MTRES1: variants seen among roughly 807,000 people sequenced by gnomAD.
MTRES1 encodes the protein uncharacterized protein C6orf203.
In MTRES1, 11 loss-of-function variants were observed where a neutral mutation model predicts 17.4. The ratio of observed to expected loss-of-function variants is 0.63; its 90% confidence interval spans 0.40 to 1.05. The LOEUF is 1.05. Ranked by LOEUF, MTRES1 falls within the 50% of genes least tolerant of loss-of-function variation. The pLI is 0.00. For missense variants in MTRES1, 268 were observed against 276.2 expected (o/e 0.97, Z 0.21); for synonymous variants, 94 against 99.6 (o/e 0.94, Z 0.34).
At chr6:107,028,304 G>C (rs76852209) in intron 1 of MTRES1, 33 bp downstream of exon 1, 4,848 of 152,430 alleles carry the variant, frequency 0.032, 104 homozygotes, top group Non-Finnish European at 0.049. Flanking sequence ...GCCGCGCCGG[G>C]CCCCCTGCCC....
intron 2 of MTRES1, among the ~76,000 whole-genome samples, chr6:107,041,817 G>A (rs1313430352): frequency 4.6e-5 from 7 of 151,944 alleles, no homozygotes; most frequent in Non-Finnish European, 1.0e-4. Context: ...GTGAGCCACC[G>A]CGCCTGGCGA....
At chr6:107,036,024 AAAT>A (rs1401422696) in intron 1 of MTRES1, among the ~76,000 whole-genome samples, 1 of 152,140 alleles carries the variant, frequency 6.6e-6, no homozygotes, top group Non-Finnish European at 1.5e-5. Flanking sequence ...TTTTATGAAA[AAAT>A]ATTATTGCAT....
At position 107,040,089 on chromosome 6, in the gene MTRES1, G is replaced by A. The variant is rs552535026; in HGVS notation, c.329G>A (p.Ser110Asn). The A allele has an allele frequency of 6.2e-6, 10 of 1,613,802 alleles. 1 individual carries two copies. In the East Asian group the frequency reaches 2.2e-4, roughly 36 times the overall value. Residue 110 changes from serine to asparagine, a missense_variant, in exon 2 of 4, where the codon AGC (serine) becomes AAC (asparagine). Ser to Asn is a conservative substitution (Grantham distance 46). Coordinates refer to ENST00000311381, the MANE Select transcript of MTRES1 (RefSeq NM_016487.5). ...KVDEEDSDEE[S>N]HHDEMSEQEE... Reference sequence around the variant, plus strand: ...GATGAAGAGGACTCTGATGAAGAAAGCCATCATGATGAGATGAGTGAGCAG... The same window carrying A: ...GATGAAGAGGACTCTGATGAAGAAAACCATCATGATGAGATGAGTGAGCAG...
At chr6:107,044,235 A>G (rs1774315811) in intron 2 of MTRES1, 25 bp from the exon 3 acceptor site, 2 of 1,601,620 alleles carry the variant, frequency 1.2e-6, no homozygotes, top group Non-Finnish European at 1.7e-6. Flanking sequence ...AATTGTGTAC[A>G]TTGTTGCTTT....
At chr6:107,033,645 C>T (rs1554226671) in intron 1 of MTRES1, among the ~76,000 whole-genome samples, 2 of 151,970 alleles carry the variant, frequency 1.3e-5, no homozygotes, top group African/African-American at 2.4e-5. Flanking sequence ...GGTGAAACCC[C>T]GTCTCTACCA....
At chr6:107,046,627 G>A (rs1774399188) in intron 3 of MTRES1, among the ~76,000 whole-genome samples, 1 of 152,130 alleles carries the variant, frequency 6.6e-6, no homozygotes, top group African/African-American at 2.4e-5. Flanking sequence ...AGAATGCCTC[G>A]CCTTCCCTGG....
chr6:107,029,876 G>C lies in MTRES1; in HGVS notation c.-13+1605G>C, dbSNP rs1488286356. On this transcript the variant is annotated intron_variant, in intron 1 of 3. Coordinates refer to ENST00000311381, the MANE Select transcript of MTRES1 (RefSeq NM_016487.5). The stretch of plus-strand genomic sequence containing the variant: ...CTGCCTTGGCCTCCCAAAGTGCTGG[G>C]ATTATAGGCGTGAGCCACCTGCCTG... 5 of 585,804 alleles carry C rather than the reference G, an allele frequency of 8.5e-6. No homozygotes were observed. The African/African-American group carries it at 9.4e-5, about 11-fold the overall frequency. The allele number at this position is 585,804 out of a possible 1,614,324, so 36.3% of individuals were successfully genotyped here.
At chr6:107,050,723 C>T (rs567519128) in intron 3 of MTRES1, among the ~76,000 whole-genome samples, 1 of 152,090 alleles carries the variant, frequency 6.6e-6, no homozygotes, top group East Asian at 1.9e-4. Context: ...ATCACAGGCA[C>T]CCACCACCAC....
At chr6:107,033,409 A>C (rs1344039256) in intron 1 of MTRES1, among the ~76,000 whole-genome samples, 2 of 150,592 alleles carry the variant, frequency 1.3e-5, no homozygotes, top group African/African-American at 4.9e-5. Context: ...CAAGTGAGCT[A>C]TAAGGAACCC....
chr6:107,050,766 G>A (rs1339659295), intron 3 of MTRES1, among the ~76,000 whole-genome samples: 4 of 151,818 alleles, frequency 2.6e-5, no homozygotes, highest in Non-Finnish European at 4.4e-5. Flanking sequence ...TAGTAGAGAC[G>A]GGATTTCACC....
At chr6:107,036,715 C>T (rs1285762715) in intron 1 of MTRES1, among the ~76,000 whole-genome samples, 2 of 150,916 alleles carry the variant, frequency 1.3e-5, no homozygotes, top group African/African-American at 4.9e-5. Context: ...TGGTGGTGGG[C>T]ACCTGTAGTC....
intron 2 of MTRES1, among the ~76,000 whole-genome samples, chr6:107,043,053 C>G (rs73761792): frequency 3.2e-4 from 49 of 152,146 alleles, no homozygotes; most frequent in African/African-American, 1.1e-3. Context: ...AATGGAGGGC[C>G]GGGTGCGGTG....
rs569518504 is a variant in MTRES1, at chr6:107,029,832, T to C, written c.-13+1561T>C. Among the ~76,000 whole-genome samples the C allele has an allele frequency of 1.1e-3, 168 of 152,268 alleles. 1 individual carries two copies. The highest frequency in any genetic ancestry group is 3.9e-3 in the African/African-American group (161 of 41,558). On this transcript the variant is annotated intron_variant, in intron 1 of 3. Coordinates refer to ENST00000311381, the MANE Select transcript of MTRES1 (RefSeq NM_016487.5). ...TGTTGCCCAGGCTGATCTCAAACTC[T>C]TGGACACAAGCGAGTCTCCTGCCTT...
At chr6:107,048,250 T>C (rs2114972527) in intron 3 of MTRES1, among the ~76,000 whole-genome samples, 1 of 151,990 alleles carries the variant, frequency 6.6e-6, no homozygotes, top group African/African-American at 2.4e-5. Context: ...TTCTCTTGCT[T>C]CAGCCTCCAG....
chr6:107,044,378 C>T (rs1582613535), intron 3 of MTRES1, 46 bp downstream of exon 3: 2 of 1,468,048 alleles, frequency 1.4e-6, no homozygotes, highest in South Asian at 1.1e-5. Flanking sequence ...TCGTCTCTTA[C>T]TCTGCTAGTA....
intron 3 of MTRES1, among the ~76,000 whole-genome samples, chr6:107,046,930 TTGTGTGTGTGTGTGTG>T (rs67662472): frequency 4.5e-4 from 15 of 33,020 alleles, no homozygotes; most frequent in African/African-American, 9.4e-4. Flanking sequence ...GGATTCATTC[TTGTGTGTGTGTGTGTG>T]TGTGTGTGTG....
chr6:107,034,953 C>G (rs1773960182), intron 1 of MTRES1, among the ~76,000 whole-genome samples: 1 of 151,902 alleles, frequency 6.6e-6, no homozygotes, highest in African/African-American at 2.4e-5. Flanking sequence ...CACCATTGCA[C>G]TCCAACCTGG....
intron 1 of MTRES1, among the ~76,000 whole-genome samples, chr6:107,034,268 C>T (rs797035189): frequency 5.3e-5 from 8 of 152,190 alleles, no homozygotes; most frequent in African/African-American, 1.9e-4. Context: ...TACTGAAAAA[C>T]ATAAAAATAG....
Position 107,029,333 on chromosome 6 carries a change from G to A in MTRES1, c.-13+1062G>A, listed in dbSNP as rs1284738800. Among the ~76,000 whole-genome samples the A allele has an allele frequency of 3.3e-5, 5 of 152,022 alleles. No individual in the cohort carries two copies. In the East Asian group the frequency reaches 9.7e-4, roughly 30 times the overall value. On this transcript the variant is annotated intron_variant, in intron 1 of 3. Coordinates refer to ENST00000311381, the MANE Select transcript of MTRES1 (RefSeq NM_016487.5). ...CTCCCGAGTAGCTGGGACTACAGGC[G>A]CCTGCCACCACGCCCGGCTAATTTT...
Sources: allele counts gnomAD v4.1 joint callset (sites outside exome capture counted in the v4.1 genomes callset), GRCh38; gene constraint gnomAD v4.1.1; transcripts MANE v1.5; gene names NCBI Gene and HGNC (gene_info 2026-07-23, HGNC 2026-07-21).